The following PRKG1 variants were observed in gnomAD, a reference collection of about 807,000 sequenced individuals.
PRKG1 encodes protein kinase cGMP-dependent 1.
In PRKG1, 35 loss-of-function variants were observed where a neutral mutation model predicts 88.1. The observed-to-expected ratio is 0.40, with a 90% CI of 0.30 to 0.53. The LOEUF (loss-of-function observed/expected upper bound fraction) is 0.53, where lower values mean the gene tolerates loss of function less well. Among genes scored for constraint, PRKG1 ranks in the 20% least tolerant of loss-of-function variants. The pLI, the probability that PRKG1 is intolerant of heterozygous loss-of-function variation, is 0.59. For missense variants in PRKG1, 540 were observed against 839.8 expected (o/e 0.64, Z 4.41); for synonymous variants, 303 against 292.5 (o/e 1.04, Z -0.37).
chr10:51,781,316 G>A lies in PRKG1; in HGVS notation c.593-23269G>A, dbSNP rs543144220. ...ATACTCATGATCCCAAATATGAATA[G>A]TATAGGCGTAAACAAGCCATTGGTT... is the stretch of plus-strand genomic sequence containing the variant. On this transcript the variant is annotated intron_variant, in intron 3 of 17. Coordinates refer to ENST00000373980, the MANE Select transcript of PRKG1 (RefSeq NM_006258.4). Among the ~76,000 whole-genome samples, 20 of 152,192 alleles carry A rather than the reference G, an allele frequency of 1.3e-4. 1 individual carries two copies. In the East Asian group the frequency reaches 3.1e-3, roughly 24 times the overall value.
chr10:51,610,405 G>T lies in PRKG1; in HGVS notation c.592+142569G>T, dbSNP rs115291082. 9.8e-3 allele frequency among the ~76,000 whole-genome samples: 1,493 copies of T among 152,152 alleles called. 27 individuals are homozygous for T. Among genetic ancestry groups the T allele is most frequent in the African/African-American group, 0.034 (1,404 of 41,496 alleles). ...ATGCAATATTTCTCTTTCTGTGCCT[G>T]GCTTATTTCCCTTAACATAATGACC... On this transcript the variant is annotated intron_variant, in intron 3 of 17. Coordinates refer to ENST00000373980, the MANE Select transcript of PRKG1 (RefSeq NM_006258.4).
chr10:52,028,106 T>C (rs987094656), intron 5 of PRKG1, among the ~76,000 whole-genome samples: 2 of 152,100 alleles, frequency 1.3e-5, no homozygotes, highest in African/African-American at 2.4e-5. Context: ...ATTTTATTAC[T>C]GAAAAATGTA....
chr10:51,697,501 G>A (rs773843170), intron 3 of PRKG1: 12 of 592,910 alleles, frequency 2.0e-5, no homozygotes, highest in East Asian at 5.6e-5. Context: ...GTGAACAGAC[G>A]CACTCCCTCC....
chr10:52,156,961 C>T lies in PRKG1; in HGVS notation c.1002-4928C>T, dbSNP rs1186423027. ...CTGATAATACCTGACAAACATTTTG[C>T]TTAGCATTATTGAAGTGTTTGAAAT... On this transcript the variant is annotated intron_variant, in intron 8 of 17. Transcript: ENST00000373980. 5.9e-5 allele frequency among the ~76,000 whole-genome samples: 9 copies of T among 151,588 alleles called. No homozygotes were observed. In the East Asian group the frequency reaches 1.5e-3, roughly 26 times the overall value.
chr10:51,970,237 T>TA (rs1384661401), intron 5 of PRKG1, among the ~76,000 whole-genome samples: 1 of 151,980 alleles, frequency 6.6e-6, no homozygotes, highest in East Asian at 1.9e-4. Flanking sequence ...ATTTTGAACT[T>TA]ACCTTTAATA....
chr10:52,259,580 A>G (rs1271289976), intron 10 of PRKG1, among the ~76,000 whole-genome samples: 1 of 152,100 alleles, frequency 6.6e-6, no homozygotes. Context: ...TCATTGACAT[A>G]TACAACATAT....
At position 51,628,018 on chromosome 10, in the gene PRKG1, CTT is replaced by C. The variant is rs1491441126; in HGVS notation, c.592+160184_592+160185del. On this transcript the variant is annotated intron_variant, in intron 3 of 17. Coordinates refer to ENST00000373980, the MANE Select transcript of PRKG1 (RefSeq NM_006258.4). ...TCTCTCTCTCTCTCTCTCTTTCTTT[CTT>C]TCTTTCTTTCTTTCTTTCCTTCCTT... 2.5e-4 allele frequency among the ~76,000 whole-genome samples: 14 copies of C among 55,096 alleles called. 1 individual carries two copies. The highest frequency in any genetic ancestry group is 6.4e-4 in the African/African-American group (14 of 21,782). The allele number at this position is 55,096 out of a possible 152,430, so 36.1% of individuals were successfully genotyped here.
intron 4 of PRKG1, among the ~76,000 whole-genome samples, chr10:51,870,226 G>A (rs1244634188): frequency 1.3e-5 from 2 of 152,144 alleles, no homozygotes; most frequent in Non-Finnish European, 2.9e-5. Context: ...GAAATAAGGT[G>A]TTATAGGTGC....
intron 2 of PRKG1, among the ~76,000 whole-genome samples, chr10:51,286,226 C>T (rs2132213355): frequency 1.3e-5 from 2 of 152,334 alleles, no homozygotes; most frequent in South Asian, 4.1e-4. Flanking sequence ...CTGCCTCGGC[C>T]TCCCAAAGTG....
intron 9 of PRKG1, among the ~76,000 whole-genome samples, chr10:52,229,777 TACTTTAGTCTATGTGATG>T (rs1840479266): frequency 6.6e-6 from 1 of 152,188 alleles, no homozygotes; most frequent in African/African-American, 2.4e-5. Flanking sequence ...CTTTATGCTT[TACTTTAGTCTATGTGATG>T]ACTCGTAAAT....
chr10:51,901,587 G>A (rs1030493848), intron 4 of PRKG1, among the ~76,000 whole-genome samples: 7 of 152,142 alleles, frequency 4.6e-5, no homozygotes, highest in Non-Finnish European at 1.0e-4. Context: ...TAACTGACCC[G>A]TAAGATGCTT....
chr10:51,615,436 A>AT (rs1839024502), intron 3 of PRKG1, among the ~76,000 whole-genome samples: 1 of 151,272 alleles, frequency 6.6e-6, no homozygotes, highest in Non-Finnish European at 1.5e-5. Context: ...TATCCCTTTC[A>AT]TTTTCTCTTT....
At chr10:51,348,076 A>G (rs572624444) in intron 2 of PRKG1, among the ~76,000 whole-genome samples, 1 of 152,264 alleles carries the variant, frequency 6.6e-6, no homozygotes, top group African/African-American at 2.4e-5. Flanking sequence ...AAAAACAAAA[A>G]CAAAAACAAA....
intron 9 of PRKG1, among the ~76,000 whole-genome samples, chr10:52,195,041 T>C (rs1038685286): frequency 6.6e-6 from 1 of 152,182 alleles, no homozygotes; most frequent in Non-Finnish European, 1.5e-5. Flanking sequence ...GCCTGAGAGA[T>C]ATTTTACTGA....
At chr10:51,363,615 G>A (rs2132592135) in intron 2 of PRKG1, among the ~76,000 whole-genome samples, 1 of 152,038 alleles carries the variant, frequency 6.6e-6, no homozygotes, top group South Asian at 2.1e-4. Flanking sequence ...TACGGCTGCT[G>A]TTTATTAATT....
chr10:51,122,524 C>A (rs1788861730), intron 1 of PRKG1, among the ~76,000 whole-genome samples: 1 of 152,080 alleles, frequency 6.6e-6, no homozygotes, highest in South Asian at 2.1e-4. Context: ...AAGATTTGGT[C>A]TCTGATTACT....
intron 3 of PRKG1, among the ~76,000 whole-genome samples, chr10:51,691,046 T>C (rs75455260): frequency 0.059 from 8,934 of 150,748 alleles, 363 homozygotes; most frequent in East Asian, 0.086. Flanking sequence ...TCATATTTTA[T>C]AAATATATGT....
At chr10:51,483,573 A>T (rs293320) in intron 3 of PRKG1, among the ~76,000 whole-genome samples, 91,600 of 151,986 alleles carry the variant, frequency 0.6, 28,860 homozygotes, top group East Asian at 0.85. Flanking sequence ...TTTTTCCACA[A>T]TTCCACTTTC....
chr10:51,990,091 C>T (rs972165080), intron 5 of PRKG1, among the ~76,000 whole-genome samples: 4 of 152,066 alleles, frequency 2.6e-5, no homozygotes, highest in Non-Finnish European at 5.9e-5. Flanking sequence ...ACTGCCCTTT[C>T]CTCACTGTAC....
Sources: gnomAD v4.1 joint callset for allele counts (sites outside exome capture counted in the v4.1 genomes callset) on GRCh38, gnomAD v4.1.1 for gene constraint, MANE v1.5 for transcripts, NCBI Gene and HGNC (gene_info 2026-07-23, HGNC 2026-07-21) for gene names.